Variants in USP30 observed in about 807,000 individuals in gnomAD.
USP30 encodes the protein ubiquitin specific peptidase 30.
In USP30, 41 loss-of-function variants were observed where a neutral mutation model predicts 68.2. The observed-to-expected ratio is 0.60, with a 90% CI of 0.47 to 0.78. The LOEUF is 0.78. Ranked by LOEUF, USP30 falls within the 30% of genes least tolerant of loss-of-function variation. The pLI, the probability that USP30 is intolerant of heterozygous loss-of-function variation, is 0.00. For missense variants in USP30, 522 were observed against 649.4 expected (o/e 0.80, Z 2.13); for synonymous variants, 229 against 253.7 (o/e 0.90, Z 0.93).
chr12:109,076,471 A>G (rs997188571), intron 7 of USP30, among the ~76,000 whole-genome samples: 1 of 151,780 alleles, frequency 6.6e-6, no homozygotes, highest in African/African-American at 2.4e-5. Context: ...AAGTTAAATA[A>G]GAGTGATGAT....
chr12:109,027,789 A>T (rs2040455366), intron 3 of USP30, among the ~76,000 whole-genome samples: 1 of 152,182 alleles, frequency 6.6e-6, no homozygotes, highest in African/African-American at 2.4e-5. Flanking sequence ...TAATCCATTC[A>T]TCTGTTGATG....
Position 109,067,563 on chromosome 12 carries a change from A to G in USP30, c.416A>G (p.Asp139Gly). Residue 139 changes from aspartate (D) to glycine (G), a missense_variant, in exon 4 of 13, where the codon GAT (aspartate) becomes GGT (glycine). Coordinates refer to ENST00000257548, the MANE Select transcript of USP30 (RefSeq NM_032663.5). ...CQEVTDDEVL[D>G]ASCLLDVLRM... The stretch of plus-strand genomic sequence containing the variant: ...GAAGTTACTGATGATGAGGTCTTAG[A>G]TGCAAGCTGCTTGTTGGATGTCTTA... The G allele has an allele frequency of 6.2e-7, 1 of 1,614,162 alleles. No homozygotes were observed. The highest frequency in any genetic ancestry group is 2.2e-5 in the East Asian group (1 of 44,888).
intron 3 of USP30, among the ~76,000 whole-genome samples, chr12:109,037,205 T>G (rs757428980): frequency 6.6e-6 from 1 of 152,180 alleles, no homozygotes; most frequent in Non-Finnish European, 1.5e-5. Context: ...GCTGTTGTGC[T>G]CGCTAGTGAA....
chr12:109,052,635 G>A lies in USP30; in HGVS notation c.-44G>A. 1 of 1,455,928 alleles carries A rather than the reference G, an allele frequency of 6.9e-7. No individual in the cohort carries two copies. The highest frequency in any genetic ancestry group is 1.3e-5 in the South Asian group (1 of 74,816). The allele number at this position is 1,455,928 out of a possible 1,614,324, so 90.2% of individuals were successfully genotyped here. On this transcript the variant is annotated 5_prime_UTR_variant, in exon 1 of 13. Transcript: ENST00000257548. Reference sequence around the variant, plus strand: ...TATCCCTCGGTCCGGCGGCGGCGGCGGCGGTAGCGGAGGAGACGGTTTCAG... The same window carrying A: ...TATCCCTCGGTCCGGCGGCGGCGGCAGCGGTAGCGGAGGAGACGGTTTCAG...
chr12:109,054,323 C>A (rs2040771743), intron 1 of USP30, among the ~76,000 whole-genome samples: 1 of 152,074 alleles, frequency 6.6e-6, no homozygotes, highest in African/African-American at 2.4e-5. Flanking sequence ...GAGTTCGAGA[C>A]CAGCCTGGGC....
intron 6 of USP30, 145 bp from the exon 7 acceptor site, chr12:109,073,293 C>T (rs927543149): frequency 3.2e-6 from 2 of 624,362 alleles, no homozygotes; most frequent in Non-Finnish European, 5.7e-6. Flanking sequence ...GGATGGAAGT[C>T]AATGAGGAAA....
At chr12:109,054,495 T>C (rs1477832526) in intron 1 of USP30, among the ~76,000 whole-genome samples, 2 of 151,066 alleles carry the variant, frequency 1.3e-5, no homozygotes, top group Non-Finnish European at 2.9e-5. Flanking sequence ...CACTCCAGCC[T>C]GGGCACTAGA....
chr12:109,080,140 G>C (rs1292281562), intron 7 of USP30, among the ~76,000 whole-genome samples: 2 of 152,102 alleles, frequency 1.3e-5, no homozygotes, highest in African/African-American at 2.4e-5. Flanking sequence ...TCAGGGATCA[G>C]CCCTGGAATT....
At chr12:109,033,509 G>A (rs941445020) in intron 3 of USP30, among the ~76,000 whole-genome samples, 1 of 152,178 alleles carries the variant, frequency 6.6e-6, no homozygotes, top group Non-Finnish European at 1.5e-5. Flanking sequence ...TATTAATATA[G>A]CCTTGGAGCA....
intron 3 of USP30, among the ~76,000 whole-genome samples, chr12:109,038,370 G>A (rs1342710918): frequency 6.6e-6 from 1 of 152,100 alleles, no homozygotes; most frequent in African/African-American, 2.4e-5. Flanking sequence ...ATTCCATGGT[G>A]TATATGTACC....
intron 9 of USP30, 163 bp from the exon 10 acceptor site, chr12:109,082,500 G>A (rs1028047238): frequency 2.0e-5 from 13 of 640,652 alleles, no homozygotes; most frequent in Non-Finnish European, 3.6e-5. Context: ...TGACTAAGAG[G>A]GATCAGGGAA....
intron 7 of USP30, among the ~76,000 whole-genome samples, chr12:109,075,468 A>T (rs2041571568): frequency 6.6e-6 from 1 of 152,026 alleles, no homozygotes; most frequent in African/African-American, 2.4e-5. Flanking sequence ...CTCCCACCAC[A>T]GTCTCCCAAG....
intron 11 of USP30, among the ~76,000 whole-genome samples, chr12:109,084,339 A>G (rs2041888128): frequency 1.3e-5 from 2 of 152,252 alleles, no homozygotes; most frequent in Admixed American, 1.3e-4. Flanking sequence ...TTGTCTACCC[A>G]TAAACATGTA....
chr12:109,036,586 G>A (rs1322604323), intron 3 of USP30, among the ~76,000 whole-genome samples: 1 of 151,986 alleles, frequency 6.6e-6, no homozygotes. Context: ...GTGCCCTTTA[G>A]TATTTCTTAT....
At chr12:109,046,550 A>G (rs2040607235) in intron 3 of USP30, among the ~76,000 whole-genome samples, 1 of 152,178 alleles carries the variant, frequency 6.6e-6, no homozygotes, top group East Asian at 1.9e-4. Flanking sequence ...ATCTCACAGA[A>G]ACATCCAGAC....
chr12:109,068,814 G>C (rs996934645), intron 4 of USP30, among the ~76,000 whole-genome samples: 1 of 152,200 alleles, frequency 6.6e-6, no homozygotes, highest in Non-Finnish European at 1.5e-5. Flanking sequence ...AAAAAGAGGT[G>C]AACACGTCTG....
rs1320119617 is a variant in USP30, at chr12:109,082,908, G to A, written c.1014G>A (p.Lys338=). 1 of 1,614,232 alleles carries A rather than the reference G, an allele frequency of 6.2e-7. No individual in the cohort carries two copies. Among genetic ancestry groups the A allele is most frequent in the Non-Finnish European group, 8.5e-7 (1 of 1,180,050 alleles). Residue 338 remains lysine, a synonymous_variant, in exon 11 of 13, where the codon AAG becomes AAA. Transcript: ENST00000257548. ...LSWSSHGTPL[K]RHEHVQFNEF... Reference sequence around the variant, plus strand: ...GGTCCAGCCACGGCACGCCTCTGAAGCGGCATGAGCACGTGCAGTTCAATG... The same window carrying A: ...GGTCCAGCCACGGCACGCCTCTGAAACGGCATGAGCACGTGCAGTTCAATG...
intron 7 of USP30, among the ~76,000 whole-genome samples, chr12:109,076,315 T>TA (rs949618178): frequency 6.6e-6 from 1 of 152,218 alleles, no homozygotes; most frequent in African/African-American, 2.4e-5. Context: ...GAAGTTTTGT[T>TA]ATGTATTCCT....
At chr12:109,050,312 C>A (rs1028317722), upstream of USP30, among the ~76,000 whole-genome samples, 22 of 151,832 alleles carry the variant, frequency 1.4e-4, no homozygotes, top group South Asian at 2.1e-4. Flanking sequence ...ACAACAACAA[C>A]AAAAAAACAA....
Sources: gnomAD v4.1 joint callset for allele counts (sites outside exome capture counted in the v4.1 genomes callset) on GRCh38, gnomAD v4.1.1 for gene constraint, MANE v1.5 for transcripts, NCBI Gene and HGNC (gene_info 2026-07-23, HGNC 2026-07-21) for gene names.